The following TP63 variants were observed in gnomAD, a reference collection of about 807,000 sequenced individuals.
TP63 encodes the protein tumor protein p63, also known as tumor protein 63.
TP63 carries 17 observed loss-of-function variants against 82.8 expected under a neutral mutation model. That is an observed-to-expected ratio of 0.21 (90% CI 0.14 to 0.31). The LOEUF is 0.31. Among genes scored for constraint, TP63 ranks in the 10% least tolerant of loss-of-function variants. TP63 has a pLI of 1.00. For synonymous variants in TP63, 330 were observed against 321.7 expected (o/e 1.03, Z -0.28); for missense variants, 648 against 895.3 (o/e 0.72, Z 3.52).
rs56392209 is a variant in TP63 at position 189,710,487 on chromosome 3, AT to A, written c.63-27243del. On this transcript the variant is annotated intron_variant, in intron 1 of 13. Coordinates refer to ENST00000264731, the MANE Select transcript of TP63 (RefSeq NM_003722.5). ...TTAATTTATAATGTTAGCCAAATAGATTTTTTTTTTAGCTTCCCTCAATATT... is the reference window on the plus strand; with the variant it reads ...TTAATTTATAATGTTAGCCAAATAGATTTTTTTTTAGCTTCCCTCAATATT... 2.8e-4 allele frequency among the ~76,000 whole-genome samples: 42 copies of A among 149,970 alleles called. No individual in the cohort carries two copies. The East Asian group carries it at 3.1e-3, about 11-fold the overall frequency.
intron 3 of TP63, among the ~76,000 whole-genome samples, chr3:189,769,970 G>C (rs1723213043): frequency 6.6e-6 from 1 of 152,150 alleles, no homozygotes; most frequent in African/African-American, 2.4e-5. Context: ...ACTTACAACA[G>C]ATTGTTTACC....
Position 189,710,890 on chromosome 3 carries a change from A to T in TP63, c.63-26850A>T, listed in dbSNP as rs3935088. On this transcript the variant is annotated intron_variant, in intron 1 of 13. Transcript: ENST00000264731. ...ACAGCAGTGTTAAAAAATGCAGAGC[A>T]GGGGGAATTCCTGTGCACTGACTGC... 6.5e-3 allele frequency among the ~76,000 whole-genome samples: 986 copies of T among 152,320 alleles called. 22 individuals carry two copies. Among genetic ancestry groups the T allele is most frequent in the African/African-American group, 0.023 (949 of 41,576 alleles).
At chr3:189,792,051 T>G (rs984277665) in intron 3 of TP63, among the ~76,000 whole-genome samples, 8 of 152,088 alleles carry the variant, frequency 5.3e-5, no homozygotes, top group African/African-American at 1.9e-4. Flanking sequence ...TCAAATAAAT[T>G]TATAGTTTAA....
rs889675722 is a variant in TP63, at chr3:189,726,495, T to G, written c.63-11245T>G. On this transcript the variant is annotated intron_variant, in intron 1 of 13. Transcript: ENST00000264731. ...GATTTTGTACTGAAGTATTCCAGGTTTGAATCATTATGTAGCAATAGACTA... is the reference window on the plus strand; with the variant it reads ...GATTTTGTACTGAAGTATTCCAGGTGTGAATCATTATGTAGCAATAGACTA... Among the ~76,000 whole-genome samples the G allele has an allele frequency of 1.9e-4, 29 of 152,314 alleles. 1 individual carries two copies. Among genetic ancestry groups the G allele is most frequent in the African/African-American group, 7.0e-4 (29 of 41,574 alleles).
intron 4 of TP63, among the ~76,000 whole-genome samples, chr3:189,813,912 G>T (rs1727870809): frequency 6.6e-6 from 1 of 152,194 alleles, no homozygotes; most frequent in Non-Finnish European, 1.5e-5. Context: ...ATGATTTATA[G>T]AGAGTGTTCT....
rs1056341274 is a variant in TP63 at position 189,719,044 on chromosome 3, T to G, written c.63-18696T>G. Among the ~76,000 whole-genome samples the G allele has an allele frequency of 2.8e-4, 42 of 152,040 alleles. 1 individual carries two copies. The highest frequency in any genetic ancestry group is 2.7e-3 in the Admixed American group (42 of 15,274). ...CATAACTGAATGAAAAAGCACAAAT[T>G]TCTCGGTTGCCGTAATTGAAGTGTA... On this transcript the variant is annotated intron_variant, in intron 1 of 13. Transcript: ENST00000264731.
At chr3:189,770,685 T>C (rs1723274751) in intron 3 of TP63, among the ~76,000 whole-genome samples, 1 of 152,248 alleles carries the variant, frequency 6.6e-6, no homozygotes, top group South Asian at 2.1e-4. Context: ...CCCTTCTTTT[T>C]CATTTTAAAG....
At chr3:189,671,798 A>G (rs749257249) in intron 1 of TP63, among the ~76,000 whole-genome samples, 5 of 152,278 alleles carry the variant, frequency 3.3e-5, no homozygotes, top group Admixed American at 6.5e-5. Context: ...ACAGAAAGAC[A>G]AATACTACAT....
intron 1 of TP63, among the ~76,000 whole-genome samples, chr3:189,722,595 G>A (rs1003026308): frequency 1.8e-5 from 2 of 110,258 alleles, no homozygotes; most frequent in Non-Finnish European, 4.1e-5. Flanking sequence ...TTCACTCCTA[G>A]GAGAGTCCGC....
At chr3:189,797,167 A>G (rs757145487) in intron 3 of TP63, among the ~76,000 whole-genome samples, 1 of 152,090 alleles carries the variant, frequency 6.6e-6, no homozygotes, top group Non-Finnish European at 1.5e-5. Flanking sequence ...AGATTTCCTT[A>G]TAAAAGCTGA....
chr3:189,771,433 C>G (rs1470440766), intron 3 of TP63, among the ~76,000 whole-genome samples: 6 of 134,200 alleles, frequency 4.5e-5, no homozygotes, highest in Non-Finnish European at 7.9e-5. Context: ...ATATATAAAT[C>G]TATAATATAA....
intron 4 of TP63, among the ~76,000 whole-genome samples, chr3:189,831,071 G>T (rs981875810): frequency 6.6e-6 from 1 of 152,274 alleles, no homozygotes; most frequent in East Asian, 1.9e-4. Context: ...TCTGTTGTTG[G>T]TGTGGTTTAT....
intron 3 of TP63, among the ~76,000 whole-genome samples, chr3:189,784,367 A>G (rs190382465): frequency 9.9e-5 from 15 of 152,232 alleles, no homozygotes; most frequent in Non-Finnish European, 1.9e-4. Flanking sequence ...GGGGAAAAGT[A>G]AATATTAAGA....
rs79740233 is a variant in TP63 at position 189,708,170 on chromosome 3, C to G, written c.63-29570C>G. ...TCTTTTAAAGCAGCCTTGACAATAC[C>G]TAAGCTTAAAAATGGTTTACTAACA... is the stretch of plus-strand genomic sequence containing the variant. On this transcript the variant is annotated intron_variant, in intron 1 of 13. Coordinates refer to ENST00000264731, the MANE Select transcript of TP63 (RefSeq NM_003722.5). Among the ~76,000 whole-genome samples the G allele has an allele frequency of 4.7e-3, 715 of 152,236 alleles. 4 individuals carry two copies. Among genetic ancestry groups the G allele is most frequent in the African/African-American group, 0.014 (584 of 41,546 alleles).
intron 4 of TP63, among the ~76,000 whole-genome samples, chr3:189,841,896 T>G (rs1279508899): frequency 6.6e-6 from 1 of 152,196 alleles, no homozygotes; most frequent in African/African-American, 2.4e-5. Context: ...AGGCTTTGTC[T>G]TGGACCAGGG....
At chr3:189,781,469 G>A (rs1724229126) in intron 3 of TP63, among the ~76,000 whole-genome samples, 1 of 152,140 alleles carries the variant, frequency 6.6e-6, no homozygotes, top group African/African-American at 2.4e-5. Context: ...ATAACTAAAG[G>A]TGCAGACCGG....
At chr3:189,814,467 TAAC>T (rs1316132004) in intron 4 of TP63, among the ~76,000 whole-genome samples, 1 of 152,192 alleles carries the variant, frequency 6.6e-6, no homozygotes, top group African/African-American at 2.4e-5. Flanking sequence ...GTGTTTATCA[TAAC>T]AAGATAATTT....
intron 1 of TP63, among the ~76,000 whole-genome samples, chr3:189,638,377 A>C (rs1428011191): frequency 2.0e-5 from 3 of 152,158 alleles, no homozygotes; most frequent in African/African-American, 7.2e-5. Context: ...AAGTACTTGT[A>C]TAGAAATAAT....
In TP63 at chr3:189,748,508, CAAAAAAAAAA is replaced by C. The variant is rs58926854; in HGVS notation, c.324+9750_324+9759del. Among the ~76,000 whole-genome samples, 6 of 31,254 alleles carry C rather than the reference CAAAAAAAAAA, an allele frequency of 1.9e-4. No homozygotes were observed. The East Asian group carries it at 4.2e-3, about 22-fold the overall frequency. The allele number at this position is 31,254 out of a possible 152,430, so 20.5% of individuals were successfully genotyped here. ...CAAAATATCTCTACAAGGAAAACTA[CAAAAAAAAAA>C]AAAAAAAAAAAAAAAGGCGGGGGAC... On this transcript the variant is annotated intron_variant, in intron 3 of 13. Coordinates refer to ENST00000264731, the MANE Select transcript of TP63 (RefSeq NM_003722.5).
Sources: allele counts gnomAD v4.1 joint callset (sites outside exome capture counted in the v4.1 genomes callset), GRCh38; gene constraint gnomAD v4.1.1; transcripts MANE v1.5; gene names NCBI Gene and HGNC (gene_info 2026-07-23, HGNC 2026-07-21).